Variants in TENM3 observed in about 807,000 individuals in gnomAD.
The protein encoded by TENM3 is teneurin transmembrane protein 3.
Under a neutral mutation model 255.1 loss-of-function variants are expected in TENM3, and 63 were observed. That is an observed-to-expected ratio of 0.25 (90% CI 0.20 to 0.30). TENM3 has a LOEUF of 0.30. Among genes scored for constraint, TENM3 ranks in the 10% least tolerant of loss-of-function variants. The probability of loss-of-function intolerance (pLI) is 1.00; values close to 1 mark genes in which losing one functional copy is unlikely to be tolerated. For missense variants in TENM3, 2,929 were observed against 3,461.1 expected, an observed-to-expected ratio of 0.85 and a Z score of 3.86; for synonymous variants, 1,306 against 1,322.3, an observed-to-expected ratio of 0.99 and a Z score of 0.27.
intron 1 of TENM3, among the ~76,000 whole-genome samples, chr4:182,194,425 A>G (rs542862109): frequency 1.3e-5 from 2 of 152,324 alleles, no homozygotes; most frequent in South Asian, 4.1e-4. Flanking sequence ...GAAACTAGGA[A>G]TTGATGTATC....
chr4:181,679,455 A>T, the TENM3 span, among the ~76,000 whole-genome samples: 1 of 151,538 alleles, frequency 6.6e-6, no homozygotes, highest in Non-Finnish European at 1.5e-5. Context: ...AAAATAAAAC[A>T]TTTTTTCTTA....
the TENM3 span, among the ~76,000 whole-genome samples, chr4:181,802,157 C>A: frequency 1.3e-5 from 2 of 152,150 alleles, no homozygotes; most frequent in Non-Finnish European, 2.9e-5. Context: ...CAAGGCACAG[C>A]TTCATCCCAC....
At chr4:182,315,506 C>A (rs1762702115) in intron 1 of TENM3, among the ~76,000 whole-genome samples, 1 of 151,806 alleles carries the variant, frequency 6.6e-6, no homozygotes, top group Non-Finnish European at 1.5e-5. Flanking sequence ...CCTGTGTCTG[C>A]CTTTAAGATT....
At chr4:181,862,048 T>C in the TENM3 span, among the ~76,000 whole-genome samples, 1 of 152,114 alleles carries the variant, frequency 6.6e-6, no homozygotes. Context: ...TTGGCTTGGG[T>C]GGAAACTGTT....
the TENM3 span, among the ~76,000 whole-genome samples, chr4:181,952,513 G>A: frequency 4.6e-5 from 7 of 152,186 alleles, no homozygotes; most frequent in Admixed American, 4.6e-4. Context: ...AGAATGAGGA[G>A]ACAAAATGTT....
intron 1 of TENM3, among the ~76,000 whole-genome samples, chr4:182,245,547 C>T (rs915791318): frequency 6.6e-6 from 1 of 151,958 alleles, no homozygotes; most frequent in African/African-American, 2.4e-5. Flanking sequence ...CGTCGTGGCC[C>T]AGTTTGGGTC....
intron 24 of TENM3, among the ~76,000 whole-genome samples, chr4:182,787,869 C>A (rs1352578439): frequency 6.6e-6 from 1 of 152,118 alleles, no homozygotes; most frequent in East Asian, 1.9e-4. Context: ...AGCTGCCATT[C>A]CACGGACTTC....
At chr4:181,719,975 T>G in the TENM3 span, among the ~76,000 whole-genome samples, 1 of 152,224 alleles carries the variant, frequency 6.6e-6, no homozygotes, top group Non-Finnish European at 1.5e-5. Context: ...TGTTTTATAT[T>G]CATGCAATGC....
At chr4:182,092,165 C>T in the TENM3 span, among the ~76,000 whole-genome samples, 3 of 151,970 alleles carry the variant, frequency 2.0e-5, no homozygotes, top group Non-Finnish European at 4.4e-5. Flanking sequence ...CATGGTGAAG[C>T]CCCATCTCTA....
At chr4:181,852,758 T>C in the TENM3 span, among the ~76,000 whole-genome samples, 128 of 152,330 alleles carry the variant, frequency 8.4e-4, no homozygotes, top group Non-Finnish European at 1.5e-3. Context: ...CTCATGTAAT[T>C]CTCACAAAAC....
At chr4:181,741,405 A>G in the TENM3 span, among the ~76,000 whole-genome samples, 8 of 152,176 alleles carry the variant, frequency 5.3e-5, no homozygotes, top group Non-Finnish European at 1.2e-4. Flanking sequence ...TGTATATTTA[A>G]TAATCATGAA....
chr4:182,772,760 G>A (rs1011600803), intron 22 of TENM3, among the ~76,000 whole-genome samples: 2 of 148,168 alleles, frequency 1.3e-5, no homozygotes, highest in African/African-American at 5.2e-5. Context: ...GAGTAAGTGT[G>A]TAAAAAAAAA....
At chr4:181,745,974 A>T in the TENM3 span, among the ~76,000 whole-genome samples, 1 of 152,182 alleles carries the variant, frequency 6.6e-6, no homozygotes, top group Non-Finnish European at 1.5e-5. Flanking sequence ...ATATTTAGGA[A>T]CTCAAGTGGA....
At position 182,755,056 on chromosome 4, in the gene TENM3, C is replaced by T; in HGVS notation, c.4689C>T (p.Thr1563=). 6.2e-7 allele frequency: 1 copy of T among 1,613,952 alleles called. No individual in the cohort carries two copies. The highest frequency in any genetic ancestry group is 1.1e-5 in the South Asian group (1 of 91,066). ...CTGTGACAGACAGCAATGGCAACACCCTTAGAATTAGACGGGACCCAAATC... is the reference window on the plus strand; with the variant it reads ...CTGTGACAGACAGCAATGGCAACACTCTTAGAATTAGACGGGACCCAAATC... The part of the protein sequence containing the change: ...ITAVTDSNGN[T]LRIRRDPNRM... The change falls in exon 22 of 28, where the codon ACC becomes ACT. Residue 1563 remains threonine, a synonymous_variant. Coordinates refer to ENST00000511685, the MANE Select transcript of TENM3 (RefSeq NM_001080477.4).
chr4:181,563,969 A>G, the TENM3 span, among the ~76,000 whole-genome samples: 1 of 151,788 alleles, frequency 6.6e-6, no homozygotes, highest in East Asian at 1.9e-4. Flanking sequence ...TTCAGTGAGA[A>G]AATAATTGTA....
rs1766890411 is a variant in TENM3 at position 182,800,744 on chromosome 4, A to G, written c.*393A>G. ...CCCGAATTGTCGACCTTTGCTTACA[A>G]GAAGTAGTCTGTCTGCATAGGATGT... On this transcript the variant is annotated 3_prime_UTR_variant, in exon 28 of 28. Coordinates refer to ENST00000511685, the MANE Select transcript of TENM3 (RefSeq NM_001080477.4). 6.2e-6 allele frequency: 1 copy of G among 161,718 alleles called. No individual in the cohort carries two copies. The highest frequency in any genetic ancestry group is 5.9e-5 in the Admixed American group (1 of 16,856). 10.0% of individuals were successfully genotyped at this position (161,718 alleles called of 1,614,324 possible).
At chr4:181,881,956 A>T in the TENM3 span, among the ~76,000 whole-genome samples, 1 of 152,344 alleles carries the variant, frequency 6.6e-6, no homozygotes, top group African/African-American at 2.4e-5. Context: ...ACATTCATGC[A>T]ACTTCCGTGA....
At chr4:181,861,859 C>A in the TENM3 span, among the ~76,000 whole-genome samples, 1 of 152,122 alleles carries the variant, frequency 6.6e-6, no homozygotes, top group African/African-American at 2.4e-5. Flanking sequence ...GTGAGTTTCT[C>A]TGTTAACATA....
At chr4:182,491,919 A>G (rs1018636263) in intron 3 of TENM3, among the ~76,000 whole-genome samples, 33 of 152,328 alleles carry the variant, frequency 2.2e-4, no homozygotes, top group Middle Eastern at 3.4e-3. Flanking sequence ...CTGATTCCCA[A>G]TGTTCCAGGT....
Sources: allele counts gnomAD v4.1 joint callset (sites outside exome capture counted in the v4.1 genomes callset), GRCh38; gene constraint gnomAD v4.1.1; transcripts MANE v1.5; gene names NCBI Gene and HGNC (gene_info 2026-07-23, HGNC 2026-07-21).